Variants in APBB1 observed in about 807,000 individuals in gnomAD.
APBB1 encodes the protein adaptor protein FE65a2.
Under a neutral mutation model 78.4 loss-of-function variants are expected in APBB1, and 22 were observed. The observed-to-expected ratio is 0.28, with a 90% CI of 0.20 to 0.40. The LOEUF is 0.40. Among genes scored for constraint, APBB1 ranks in the 10% least tolerant of loss-of-function variants. APBB1 has a pLI of 1.00. For missense variants in APBB1, 749 were observed against 932.4 expected (o/e 0.80, Z 2.56); for synonymous variants, 369 against 372.7 (o/e 0.99, Z 0.12).
At chr11:6,400,850 G>A (rs1252819899) in intron 12 of APBB1, 139 bp downstream of exon 12, 1 of 810,802 alleles carries the variant, frequency 1.2e-6, no homozygotes, top group African/African-American at 1.7e-5. Flanking sequence ...AGAAGTATGG[G>A]GAGGTGGGAT....
rs913822866 is a variant in APBB1 at position 6,403,893 on chromosome 11, CCT to C, written c.722-73_722-72del. On this transcript the variant is annotated intron_variant, in intron 2 of 14. Transcript: ENST00000609360. The surrounding 1 kb of genome is among the most constrained non-coding windows in gnomAD (Gnocchi z 5.3). ...GACAGCTGGTGCCTATGCCCGGTCC[CCT>C]CTGAGACCCCATGGTTGAGAAGGGG... is the stretch of plus-strand genomic sequence containing the variant. 7.5e-6 allele frequency: 11 copies of C among 1,471,140 alleles called. No homozygotes were observed. The African/African-American group carries it at 1.4e-4, about 19-fold the overall frequency. The allele number at this position is 1,471,140 out of a possible 1,614,324, so 91.1% of individuals were successfully genotyped here. A position where few individuals can be genotyped will look rare whatever the true frequency, so the allele number is the denominator to read the frequency against.
At chr11:6,410,546 G>T in intron 2 of APBB1, 81 bp downstream of exon 2, 1 of 1,283,354 alleles carries the variant, frequency 7.8e-7, no homozygotes, top group Non-Finnish European at 1.1e-6. Flanking sequence ...CTCACATCAG[G>T]CTGGCACTGG....
Position 6,403,671 on chromosome 11 carries a change from C to A in APBB1, c.873G>T (p.Gly291=), listed in dbSNP as rs772836414. The change falls in exon 3 of 15, where the codon GGG becomes GGT. Residue 291 remains glycine (G), a synonymous_variant. Transcript: ENST00000609360. The surrounding 1 kb of genome is among the most constrained non-coding windows in gnomAD (Gnocchi z 5.3). ...EPPGRASPSQ[G]SSPQEESQLT... is the part of the protein sequence containing the mutation. ...CCTGGGACTCCTCTTGGGGGCTGCT[C>A]CCCTGTGAGGGGGAGGCCCGGCCGG... The A allele has an allele frequency of 6.8e-6, 11 of 1,608,536 alleles. No homozygotes were observed. In the Admixed American group the frequency reaches 1.8e-4, roughly 27 times the overall value.
Position 6,402,329 on chromosome 11 carries a change from G to A in APBB1, c.1255-120C>T, listed in dbSNP as rs555807584. The A allele has an allele frequency of 1.8e-4, 258 of 1,428,882 alleles. 2 individuals are homozygous for A. The highest frequency in any genetic ancestry group is 1.4e-3 in the South Asian group (106 of 75,202). The allele number at this position is 1,428,882 out of a possible 1,614,324, so 88.5% of individuals were successfully genotyped here. On this transcript the variant is annotated intron_variant, in intron 7 of 14. Coordinates refer to ENST00000609360, the MANE Select transcript of APBB1 (RefSeq NM_001164.5). ...GGGGCCCCTGCTTTGGTGTCAGACC[G>A]CCCGCCCTGCAGGCCTCACTCTAGT...
chr11:6,408,108 A>G (rs571342233), intron 2 of APBB1, among the ~76,000 whole-genome samples: 86 of 152,322 alleles, frequency 5.6e-4, no homozygotes, highest in Non-Finnish European at 1.1e-3. Context: ...CACCTATGAA[A>G]TATTCTTGCA....
At chr11:6,416,745 C>CA (rs1849127529) in intron 1 of APBB1, among the ~76,000 whole-genome samples, 1 of 142,936 alleles carries the variant, frequency 7.0e-6, no homozygotes, top group Non-Finnish European at 1.5e-5. Context: ...ACAAAATTCC[C>CA]TTTTTTTTTT....
chr11:6,404,938 G>T, intron 2 of APBB1: 3 of 1,444,472 alleles, frequency 2.1e-6, no homozygotes, highest in Non-Finnish European at 2.7e-6. Flanking sequence ...GCGTCTGCCA[G>T]GCAAGATCCT....
At position 6,395,597 on chromosome 11, in the gene APBB1, G is replaced by A. The variant is rs761159886; in HGVS notation, c.2070C>T (p.Arg690=). ...SVARRVGWTV[R]RGVQSLWGSL... ...AGCCCCACAGCGACTGAACACCCCT[G>A]CGGACAGTCCACCCTACACGCCGTG... Residue 690 remains arginine (R), a synonymous_variant, in exon 15 of 15, where the codon CGC becomes CGT. Transcript: ENST00000609360. This position sits in a 1 kb window ranked among gnomAD's most constrained non-coding sequence, Gnocchi z 5.2. The A allele has an allele frequency of 1.3e-6, 2 of 1,595,656 alleles. No homozygotes were observed. The highest frequency in any genetic ancestry group is 1.7e-5 in the Admixed American group (1 of 57,944).
At chr11:6,413,155 T>G (rs985574980) in intron 1 of APBB1, among the ~76,000 whole-genome samples, 2 of 151,962 alleles carry the variant, frequency 1.3e-5, no homozygotes, top group Admixed American at 6.6e-5. Context: ...GACCAACCAC[T>G]GCCCACTTCT....
At chr11:6,418,907 A>C in intron 1 of APBB1, 78 bp downstream of exon 1, 2 of 363,212 alleles carry the variant, frequency 5.5e-6, no homozygotes, top group Non-Finnish European at 4.9e-6. Flanking sequence ...GCCGCAGGGT[A>C]GGGGCTACAG....
chr11:6,419,434 G>A (rs918710625), upstream of APBB1: 39 of 161,048 alleles, frequency 2.4e-4, no homozygotes, highest in East Asian at 7.0e-3. Flanking sequence ...GCTGTGCGGC[G>A]CCGCGGCCGC....
At chr11:6,415,512 C>T (rs1479559554) in intron 1 of APBB1, among the ~76,000 whole-genome samples, 1 of 152,118 alleles carries the variant, frequency 6.6e-6, no homozygotes, top group Non-Finnish European at 1.5e-5. Flanking sequence ...CATAGCATTC[C>T]CTATTTGTTG....
chr11:6,418,961 G>T, intron 1 of APBB1, 24 bp downstream of exon 1: 1 of 390,508 alleles, frequency 2.6e-6, no homozygotes, highest in Non-Finnish European at 4.5e-6. Flanking sequence ...ACCGGGGCTG[G>T]GCCGGGGCAG....
chr11:6,413,321 T>G lies in APBB1; in HGVS notation c.-14-1960A>C, dbSNP rs767983672. Among the ~76,000 whole-genome samples the G allele has an allele frequency of 3.5e-4, 53 of 152,212 alleles. 1 individual carries two copies. Among genetic ancestry groups the G allele is most frequent in the Non-Finnish European group, 1.8e-4 (12 of 68,040 alleles). ...CTGACCATCCCAACAAACACTGCACTGTGCTCTTTCTCATTCCCACTGTAC... is the reference window on the plus strand; with the variant it reads ...CTGACCATCCCAACAAACACTGCACGGTGCTCTTTCTCATTCCCACTGTAC... On this transcript the variant is annotated intron_variant, in intron 1 of 14. Coordinates refer to ENST00000609360, the MANE Select transcript of APBB1 (RefSeq NM_001164.5).
At position 6,396,314 on chromosome 11, in the gene APBB1, GC is replaced by G. The variant is rs1204805279; in HGVS notation, c.1673-100del. Reference sequence around the variant, plus strand: ...CCACCCAATCAAACCCAGGGCCTTTGCCCCATCCCCACTTTGCCAGCCTACA... The same window carrying G: ...CCACCCAATCAAACCCAGGGCCTTTGCCCATCCCCACTTTGCCAGCCTACA... On this transcript the variant is annotated intron_variant, in intron 12 of 14. Transcript: ENST00000609360. The G allele has an allele frequency of 1.1e-5, 11 of 1,031,340 alleles. No individual in the cohort carries two copies. The South Asian group carries it at 1.1e-4, about 10-fold the overall frequency. 63.9% of individuals were successfully genotyped at this position (1,031,340 alleles called of 1,614,324 possible).
chr11:6,409,743 T>C (rs1848911929), intron 2 of APBB1, among the ~76,000 whole-genome samples: 1 of 146,480 alleles, frequency 6.8e-6, no homozygotes, highest in Non-Finnish European at 1.5e-5. Context: ...TAGCCCATTA[T>C]CTCCACTCTT....
rs59969359 is a variant in APBB1 at position 6,410,300 on chromosome 11, A to C, written c.721+327T>G. ...TTATCTGTAATATGGGAATCATCATAATATTTACCTCACAGCTTTATTGTA... is the reference window on the plus strand; with the variant it reads ...TTATCTGTAATATGGGAATCATCATCATATTTACCTCACAGCTTTATTGTA... On this transcript the variant is annotated intron_variant, in intron 2 of 14. Coordinates refer to ENST00000609360, the MANE Select transcript of APBB1 (RefSeq NM_001164.5). Among the ~76,000 whole-genome samples, 253 of 152,268 alleles carry C rather than the reference A, an allele frequency of 1.7e-3. 3 individuals carry two copies. In the East Asian group the frequency reaches 0.035, roughly 21 times the overall value.
In APBB1 at chr11:6,418,989, G is replaced by T; in HGVS notation, c.-19C>A. The T allele has an allele frequency of 2.5e-6, 1 of 392,796 alleles. No homozygotes were observed. The highest frequency in any genetic ancestry group is 4.5e-6 in the Non-Finnish European group (1 of 222,138). 24.3% of individuals were successfully genotyped at this position (392,796 alleles called of 1,614,324 possible). ...CGGGGCAGGGACACCTCCTACCTGC[G>T]CGGTGAGGCCCCGGGCCCAGATGAC... is the stretch of plus-strand genomic sequence containing the variant. On this transcript the variant is annotated 5_prime_UTR_variant, in exon 1 of 15. Coordinates refer to ENST00000609360, the MANE Select transcript of APBB1 (RefSeq NM_001164.5).
At chr11:6,400,499 G>A (rs1984747) in intron 12 of APBB1, among the ~76,000 whole-genome samples, 3,178 of 149,450 alleles carry the variant, frequency 0.021, 59 homozygotes, top group South Asian at 0.069. Flanking sequence ...CTAAGATCAC[G>A]CCACCGCACT....
Sources: allele counts gnomAD v4.1 joint callset (sites outside exome capture counted in the v4.1 genomes callset), GRCh38; gene constraint gnomAD v4.1.1; non-coding constraint Gnocchi (gnomAD v3.1); transcripts MANE v1.5; gene names NCBI Gene and HGNC (gene_info 2026-07-23, HGNC 2026-07-21).